Variants in GTF2IRD2B observed in about 807,000 individuals in gnomAD.
GTF2IRD2B encodes the protein general transcription factor II-I repeat domain-containing protein 2B.
GTF2IRD2B carries 10 observed loss-of-function variants against 55.6 expected under a neutral mutation model. The ratio of observed to expected loss-of-function variants is 0.18; its 90% CI spans 0.11 to 0.31. The LOEUF is 0.31. GTF2IRD2B is among the 10% of genes least tolerant of loss of function. The pLI, the probability that GTF2IRD2B is intolerant of heterozygous loss-of-function variation, is 1.00. For synonymous variants in GTF2IRD2B, 107 were observed against 320.5 expected, an observed-to-expected ratio of 0.33 and a Z score of 7.12; for missense variants, 206 against 802.7, an observed-to-expected ratio of 0.26 and a Z score of 8.98.
chr7:75,122,756 C>A (rs1474238393), intron 4 of GTF2IRD2B, among the ~76,000 whole-genome samples: 1 of 138,730 alleles, frequency 7.2e-6, no homozygotes, highest in Non-Finnish European at 1.6e-5. Context: ...AAAACAAAAA[C>A]AAAAAAAACT....
chr7:75,092,879 G>A (rs1333667220), intron 1 of GTF2IRD2B, 114 bp downstream of exon 1: 9 of 152,466 alleles, frequency 5.9e-5, no homozygotes, highest in African/African-American at 1.9e-4. Context: ...CGGCCGCAGC[G>A]GGAGGTGGCC....
intron 3 of GTF2IRD2B, among the ~76,000 whole-genome samples, chr7:75,118,002 G>C (rs1263929928): frequency 6.9e-6 from 1 of 144,354 alleles, no homozygotes; most frequent in Non-Finnish European, 1.5e-5. Flanking sequence ...AGAATCACTT[G>C]AACCCAGGAG....
intron 11 of GTF2IRD2B, among the ~76,000 whole-genome samples, chr7:75,138,664 A>G (rs1481793791): frequency 8.0e-5 from 10 of 124,640 alleles, no homozygotes; most frequent in African/African-American, 1.0e-4. Flanking sequence ...CAGTCTCAAA[A>G]AAAAAAAAAA....
chr7:75,123,724 A>T (rs1412351844), intron 6 of GTF2IRD2B: 2 of 614,380 alleles, frequency 3.3e-6, no homozygotes, highest in Admixed American at 4.9e-5. Flanking sequence ...AAATACGAAA[A>T]AAAATTAGCC....
At position 75,148,304 on chromosome 7, in the gene GTF2IRD2B, T is replaced by C; in HGVS notation, c.1857T>C (p.Thr619=). 6.2e-7 allele frequency: 1 copy of C among 1,613,652 alleles called. No homozygotes were observed. Among genetic ancestry groups the C allele is most frequent in the Admixed American group, 1.7e-5 (1 of 59,908 alleles). ...NWSRLVSVAS[T]GTPAMVDANN... is the part of the protein sequence containing the mutation. ...CGAGATTAGTAAGCGTGGCCTCCAC[T>C]GGCACCCCAGCGATGGTGGATGCCA... The change falls in exon 16 of 16, where the codon ACT becomes ACC. Residue 619 remains threonine (T), a synonymous_variant. Coordinates refer to ENST00000472837, the MANE Select transcript of GTF2IRD2B (RefSeq NM_001003795.3).
intron 3 of GTF2IRD2B, among the ~76,000 whole-genome samples, chr7:75,113,662 C>T (rs1367584942): frequency 1.3e-5 from 2 of 150,496 alleles, no homozygotes; most frequent in Non-Finnish European, 1.5e-5. Flanking sequence ...AAAAACTACA[C>T]CTTTTATGGT....
chr7:75,104,184 A>G (rs1807685854), intron 1 of GTF2IRD2B, among the ~76,000 whole-genome samples: 1 of 138,212 alleles, frequency 7.2e-6, no homozygotes, highest in African/African-American at 2.7e-5. Context: ...GGGCAGTGGC[A>G]CAATCTTGGC....
At chr7:75,124,242 C>T (rs1448562029) in intron 6 of GTF2IRD2B, among the ~76,000 whole-genome samples, 38 of 152,326 alleles carry the variant, frequency 2.5e-4, no homozygotes, top group African/African-American at 7.5e-4. Flanking sequence ...GTGGCGGGTG[C>T]GTGTAATCCC....
In GTF2IRD2B at chr7:75,126,466, CGAGGCAGGCG is replaced by C. The variant is rs1201271528; in HGVS notation, c.670+84_670+93del. The C allele has an allele frequency of 3.1e-5, 16 of 510,658 alleles. No individual in the cohort carries two copies. In the East Asian group the frequency reaches 5.3e-4, roughly 17 times the overall value. The allele number at this position is 510,658 out of a possible 1,614,324, so 31.6% of individuals were successfully genotyped here. A position where few individuals can be genotyped will look rare whatever the true frequency, so the allele number is the denominator to read the frequency against. ...CTGTAATCCCAGCAATTTGGGAGGCCGAGGCAGGCGGATCACTTGAGGTCAGGAGTTCAAG... is the reference window on the plus strand; with the variant it reads ...CTGTAATCCCAGCAATTTGGGAGGCCGATCACTTGAGGTCAGGAGTTCAAG... On this transcript the variant is annotated intron_variant, in intron 8 of 15. Transcript: ENST00000472837.
At position 75,104,920 on chromosome 7, in the gene GTF2IRD2B, C is replaced by T. The variant is rs1168384735; in HGVS notation, c.-5-4040C>T. On this transcript the variant is annotated intron_variant, in intron 1 of 15. Transcript: ENST00000472837. The stretch of plus-strand genomic sequence containing the variant: ...GCTATGAAAAACAATACCGGCTGGG[C>T]GCGGTGGCTCACACCTGTAATCCCA... Among the ~76,000 whole-genome samples the T allele has an allele frequency of 1.5e-4, 23 of 152,356 alleles. No homozygotes were observed. The East Asian group carries it at 1.5e-3, about 10-fold the overall frequency.
intron 15 of GTF2IRD2B, among the ~76,000 whole-genome samples, 180 bp from the exon 16 acceptor site, chr7:75,147,514 C>T (rs1214221633): frequency 3.4e-4 from 52 of 152,028 alleles, no homozygotes; most frequent in African/African-American, 1.2e-3. Context: ...GTCCTGGCAG[C>T]GGTTTGCTGG....
chr7:75,101,476 C>T (rs1244639716), intron 1 of GTF2IRD2B, among the ~76,000 whole-genome samples: 1 of 150,410 alleles, frequency 6.6e-6, no homozygotes, highest in East Asian at 2.0e-4. Context: ...GAGGCAGGAG[C>T]ATTGCTTGAG....
rs1388406966 is a variant in GTF2IRD2B, at chr7:75,123,913, A to G, written c.571+397A>G. 1.3e-3 allele frequency: 452 copies of G among 336,340 alleles called. 8 individuals are homozygous for G. The highest frequency in any genetic ancestry group is 9.1e-3 in the African/African-American group (422 of 46,148). The allele number at this position is 336,340 out of a possible 1,614,324, so 20.8% of individuals were successfully genotyped here. ...ACAAAACTTGAATTTGGGTGAGGGG[A>G]GGGAACTTAGAGGACGGGCCAATAG... On this transcript the variant is annotated intron_variant, in intron 6 of 15. Coordinates refer to ENST00000472837, the MANE Select transcript of GTF2IRD2B (RefSeq NM_001003795.3).
chr7:75,104,835 C>T (rs1554421365), intron 1 of GTF2IRD2B, among the ~76,000 whole-genome samples: 17 of 152,396 alleles, frequency 1.1e-4, no homozygotes, highest in South Asian at 4.1e-4. Flanking sequence ...AGCCAAAAAG[C>T]GGAGAGGCAA....
chr7:75,132,861 C>T (rs1179997070), intron 8 of GTF2IRD2B, among the ~76,000 whole-genome samples: 1 of 148,516 alleles, frequency 6.7e-6, no homozygotes, highest in Non-Finnish European at 1.5e-5. Context: ...TCCCCTCCTT[C>T]CTTCTTTCCT....
rs587612886 is a variant in GTF2IRD2B at position 75,149,441 on chromosome 7, C to A, written c.*144C>A. The A allele has an allele frequency of 1.3e-5, 8 of 618,660 alleles. No homozygotes were observed. The highest frequency in any genetic ancestry group is 2.3e-5 in the Non-Finnish European group (8 of 346,018). The allele number at this position is 618,660 out of a possible 1,614,324, so 38.3% of individuals were successfully genotyped here. A position where few individuals can be genotyped will look rare whatever the true frequency, so the allele number is the denominator to read the frequency against. On this transcript the variant is annotated 3_prime_UTR_variant, in exon 16 of 16. Transcript: ENST00000472837. The stretch of plus-strand genomic sequence containing the variant: ...TGTCGCCCAGGTTGGAGTGCAGTGG[C>A]GTGATCTCGGCTTACTGCAACTTCC...
chr7:75,105,149 T>C (rs1807741897), intron 1 of GTF2IRD2B, among the ~76,000 whole-genome samples: 1 of 152,236 alleles, frequency 6.6e-6, no homozygotes, highest in Non-Finnish European at 1.5e-5. Context: ...TGAACTGTGG[T>C]AACACTCCAA....
intron 6 of GTF2IRD2B, 145 bp downstream of exon 6, chr7:75,123,661 G>A (rs1554452223): frequency 1.5e-6 from 1 of 653,892 alleles, no homozygotes; most frequent in East Asian, 3.1e-5. Flanking sequence ...GGATCACAAG[G>A]TCAGGAGATC....
rs1315014640 is a variant in GTF2IRD2B at position 75,115,265 on chromosome 7, A to G, written c.238+2730A>G. ...TCAAGTGTTTATTTCTGGACTCCCTACTCTATTCCGTAGATCTATTTGTCT... is the reference window on the plus strand; with the variant it reads ...TCAAGTGTTTATTTCTGGACTCCCTGCTCTATTCCGTAGATCTATTTGTCT... On this transcript the variant is annotated intron_variant, in intron 3 of 15. Coordinates refer to ENST00000472837, the MANE Select transcript of GTF2IRD2B (RefSeq NM_001003795.3). Among the ~76,000 whole-genome samples the G allele has an allele frequency of 3.4e-5, 5 of 148,858 alleles. 1 individual carries two copies. Among genetic ancestry groups the G allele is most frequent in the African/African-American group, 1.2e-4 (5 of 40,168 alleles).
Sources: allele counts gnomAD v4.1 joint callset (sites outside exome capture counted in the v4.1 genomes callset), GRCh38; gene constraint gnomAD v4.1.1; transcripts MANE v1.5; gene names NCBI Gene and HGNC (gene_info 2026-07-23, HGNC 2026-07-21).